The following THSD4 variants were observed in gnomAD, a reference collection of about 807,000 sequenced individuals.
THSD4 encodes the protein thrombospondin type-1 domain-containing protein 4.
Under a neutral mutation model 119.0 loss-of-function variants are expected in THSD4, and 69 were observed. The observed-to-expected ratio is 0.58, with a 90% CI of 0.48 to 0.71. The LOEUF is 0.71. Among genes scored for constraint, THSD4 ranks in the 30% least tolerant of loss-of-function variants. THSD4 has a pLI of 0.00. For synonymous variants in THSD4, 524 were observed against 540.4 expected, an observed-to-expected ratio of 0.97 and a Z score of 0.42; for missense variants, 1,393 against 1,391.1, an observed-to-expected ratio of 1.00 and a Z score of -0.02.
chr15:71,725,953 G>C (rs1308734327), intron 8 of THSD4, among the ~76,000 whole-genome samples: 1 of 152,006 alleles, frequency 6.6e-6, no homozygotes, highest in Non-Finnish European at 1.5e-5. Context: ...GGCTAATTTT[G>C]TACTTTTAGC....
intron 7 of THSD4, among the ~76,000 whole-genome samples, chr15:71,453,086 G>A (rs1299997998): frequency 2.0e-5 from 3 of 152,230 alleles, no homozygotes; most frequent in African/African-American, 4.8e-5. Context: ...CAGAAAGAGA[G>A]CCTCACGAGA....
At position 71,521,839 on chromosome 15, in the gene THSD4, G is replaced by A. The variant is rs2048445905; in HGVS notation, c.1152+110016G>A. 3.3e-5 allele frequency among the ~76,000 whole-genome samples: 5 copies of A among 152,250 alleles called. 1 individual carries two copies. The highest frequency in any genetic ancestry group is 4.2e-4 in the South Asian group (2 of 4,816). On this transcript the variant is annotated intron_variant, in intron 7 of 17. Transcript: ENST00000261862. Reference sequence around the variant, plus strand: ...CAAATGCATATTGAGTGCCTACTGCGTTTCAGACTCCAGATGCCAAAATGA... The same window carrying A: ...CAAATGCATATTGAGTGCCTACTGCATTTCAGACTCCAGATGCCAAAATGA...
At chr15:71,768,163 A>G (rs2053746935) in intron 16 of THSD4, among the ~76,000 whole-genome samples, 1 of 152,172 alleles carries the variant, frequency 6.6e-6, no homozygotes, top group Non-Finnish European at 1.5e-5. Flanking sequence ...TGATAGAATT[A>G]GAATTAGAAT....
intron 3 of THSD4, among the ~76,000 whole-genome samples, chr15:71,170,546 A>T (rs1423140785): frequency 6.6e-6 from 1 of 152,212 alleles, no homozygotes; most frequent in East Asian, 1.9e-4. Context: ...GCAGTAATGA[A>T]ATGATTAATC....
intron 13 of THSD4, among the ~76,000 whole-genome samples, chr15:71,747,573 G>A (rs1035774142): frequency 5.3e-5 from 8 of 152,192 alleles, no homozygotes; most frequent in African/African-American, 9.7e-5. Flanking sequence ...GAGAGGAGAC[G>A]GGGACCCCTT....
At chr15:71,382,739 AGAT>A (rs1163616549) in intron 6 of THSD4, among the ~76,000 whole-genome samples, 2 of 152,148 alleles carry the variant, frequency 1.3e-5, no homozygotes, top group Non-Finnish European at 2.9e-5. Context: ...TTTTGAAGGG[AGAT>A]GATACCATTT....
intron 2 of THSD4, among the ~76,000 whole-genome samples, chr15:71,150,586 C>G (rs184800225): frequency 3.5e-4 from 53 of 152,164 alleles, no homozygotes; most frequent in African/African-American, 1.2e-3. Flanking sequence ...TGCATTTTAG[C>G]TTCAATAGGG....
At chr15:71,550,633 G>A (rs1400699673) in intron 7 of THSD4, among the ~76,000 whole-genome samples, 1 of 152,082 alleles carries the variant, frequency 6.6e-6, no homozygotes, top group Non-Finnish European at 1.5e-5. Flanking sequence ...GTAGTGATGG[G>A]GTTTCACTGT....
chr15:71,462,205 C>T (rs532844766), intron 7 of THSD4, among the ~76,000 whole-genome samples: 10 of 152,238 alleles, frequency 6.6e-5, no homozygotes, highest in African/African-American at 1.9e-4. Flanking sequence ...TCTGTCACCC[C>T]GGCTGGAGTG....
At chr15:71,365,131 TTGTGTGTGTG>T (rs10690804) in intron 6 of THSD4, among the ~76,000 whole-genome samples, 12 of 135,912 alleles carry the variant, frequency 8.8e-5, no homozygotes, top group South Asian at 2.6e-4. Context: ...GCCCCCCCCA[TTGTGTGTGTG>T]TGTGTGTGTG....
intron 1 of THSD4, among the ~76,000 whole-genome samples, chr15:71,129,987 G>T (rs768395781): frequency 9.2e-5 from 14 of 152,160 alleles, no homozygotes; most frequent in Non-Finnish European, 2.9e-5. Flanking sequence ...CAAATGCGTG[G>T]AGGCACTGAG....
chr15:71,478,688 A>G (rs144381395), intron 7 of THSD4, among the ~76,000 whole-genome samples: 1 of 152,360 alleles, frequency 6.6e-6, no homozygotes. Context: ...AAACACAGTT[A>G]TGCCAAGAGT....
intron 7 of THSD4, among the ~76,000 whole-genome samples, chr15:71,476,906 C>T (rs935703140): frequency 2.0e-5 from 3 of 152,116 alleles, no homozygotes; most frequent in Admixed American, 6.5e-5. Flanking sequence ...TTATCTGGGC[C>T]GACATAGGTT....
chr15:71,199,539 GTGTA>G (rs2043754397), intron 3 of THSD4, among the ~76,000 whole-genome samples: 1 of 133,482 alleles, frequency 7.5e-6, no homozygotes, highest in African/African-American at 3.2e-5. Flanking sequence ...TGTGTGGTGT[GTGTA>G]TGTGTGGTGT....
At chr15:71,453,710 G>A (rs181018840) in intron 7 of THSD4, among the ~76,000 whole-genome samples, 16 of 152,332 alleles carry the variant, frequency 1.1e-4, no homozygotes, top group Admixed American at 3.3e-4. Flanking sequence ...ACTGAGGGAT[G>A]TGGGTATGTG....
chr15:71,654,141 T>C (rs1196905647), intron 7 of THSD4, among the ~76,000 whole-genome samples: 3 of 152,250 alleles, frequency 2.0e-5, no homozygotes, highest in Non-Finnish European at 4.4e-5. Flanking sequence ...GTTTGTGTTC[T>C]AATAAATCTT....
At chr15:71,306,613 C>T (rs2140344139) in intron 6 of THSD4, among the ~76,000 whole-genome samples, 1 of 152,270 alleles carries the variant, frequency 6.6e-6, no homozygotes, top group Non-Finnish European at 1.5e-5. Context: ...GCAATTTTCT[C>T]AACCCTGGTG....
chr15:71,437,281 C>A (rs1280254508), intron 7 of THSD4, among the ~76,000 whole-genome samples: 7 of 152,212 alleles, frequency 4.6e-5, no homozygotes. Flanking sequence ...AAACACTTGC[C>A]ACTAGGCTCT....
chr15:71,304,707 G>C (rs112628194), intron 6 of THSD4, among the ~76,000 whole-genome samples: 2 of 152,000 alleles, frequency 1.3e-5, no homozygotes, highest in Admixed American at 6.5e-5. Flanking sequence ...CTCCAACCTC[G>C]TCTATGGTAA....
Sources: allele counts gnomAD v4.1 joint callset (sites outside exome capture counted in the v4.1 genomes callset), GRCh38; gene constraint gnomAD v4.1.1; transcripts MANE v1.5; gene names NCBI Gene and HGNC (gene_info 2026-07-23, HGNC 2026-07-21).